Variants in AFG2A observed in about 807,000 individuals in gnomAD.
AFG2A encodes the protein ATPase family gene 2 protein homolog A.
At chr4:123,024,342 A>G in the AFG2A span, among the ~76,000 whole-genome samples, 1 of 152,108 alleles carries the variant, frequency 6.6e-6, no homozygotes, top group Non-Finnish European at 1.5e-5. Flanking sequence ...AAATGTGAAT[A>G]TGAAAAAAAG....
At chr4:123,246,386 A>G in the AFG2A span, among the ~76,000 whole-genome samples, 1 of 152,204 alleles carries the variant, frequency 6.6e-6, no homozygotes, top group Non-Finnish European at 1.5e-5. Flanking sequence ...CACTGCTGCC[A>G]GAATCATTTA....
At chr4:123,314,096 C>T in the AFG2A span, 2 of 1,458,080 alleles carry the variant, frequency 1.4e-6, no homozygotes, top group Middle Eastern at 3.6e-4. Flanking sequence ...GCTGAAAATC[C>T]TTTCCAGAGA....
the AFG2A span, among the ~76,000 whole-genome samples, chr4:123,023,260 C>T: frequency 6.6e-6 from 1 of 151,976 alleles, no homozygotes; most frequent in East Asian, 1.9e-4. Flanking sequence ...TTGATGAAGT[C>T]CCATGATCAC....
the AFG2A span, among the ~76,000 whole-genome samples, chr4:123,263,098 C>T: frequency 6.6e-6 from 1 of 152,210 alleles, no homozygotes; most frequent in Non-Finnish European, 1.5e-5. Context: ...ATCATCCGAA[C>T]TTGCTTTTCT....
At chr4:123,160,921 A>G in the AFG2A span, among the ~76,000 whole-genome samples, 3 of 152,196 alleles carry the variant, frequency 2.0e-5, no homozygotes, top group African/African-American at 7.2e-5. Flanking sequence ...CAATTATAAC[A>G]ATATGCTATA....
the AFG2A span, among the ~76,000 whole-genome samples, chr4:122,969,755 C>T: frequency 6.6e-6 from 1 of 152,068 alleles, no homozygotes; most frequent in Admixed American, 6.5e-5. Flanking sequence ...TAATTTCCCT[C>T]CAGGTAGTTT....
At chr4:123,030,189 C>T in the AFG2A span, among the ~76,000 whole-genome samples, 2 of 152,212 alleles carry the variant, frequency 1.3e-5, no homozygotes, top group South Asian at 4.1e-4. Context: ...AACCTGTGAG[C>T]GAAGTCCTCA....
At chr4:123,150,031 T>G in the AFG2A span, among the ~76,000 whole-genome samples, 1 of 152,082 alleles carries the variant, frequency 6.6e-6, no homozygotes, top group Non-Finnish European at 1.5e-5. Flanking sequence ...AACCACATGA[T>G]TATCTCAGTA....
the AFG2A span, among the ~76,000 whole-genome samples, chr4:123,015,763 G>A: frequency 0.05 from 7,484 of 148,538 alleles, 458 homozygotes; most frequent in African/African-American, 0.15. Context: ...AGGGGCGGCC[G>A]GGCAGAGGTG....
the AFG2A span, among the ~76,000 whole-genome samples, chr4:122,960,402 AAT>A: frequency 1.3e-5 from 2 of 152,198 alleles, no homozygotes; most frequent in African/African-American, 4.8e-5. Context: ...ATGTTTTCCA[AAT>A]ATAGGGATTT....
the AFG2A span, among the ~76,000 whole-genome samples, chr4:123,146,532 C>T: frequency 6.6e-6 from 1 of 152,090 alleles, no homozygotes; most frequent in Non-Finnish European, 1.5e-5. Context: ...GAACTTTAGA[C>T]ACTAACAGTG....
At chr4:122,996,472 G>C in the AFG2A span, among the ~76,000 whole-genome samples, 2 of 152,040 alleles carry the variant, frequency 1.3e-5, no homozygotes, top group African/African-American at 4.8e-5. Context: ...AGATTCTCAA[G>C]AGAAACAACC....
chr4:122,974,944 A>C, the AFG2A span, among the ~76,000 whole-genome samples: 1 of 152,138 alleles, frequency 6.6e-6, no homozygotes, highest in African/African-American at 2.4e-5. Context: ...CTGGCCATAA[A>C]GTTGAAAAGT....
chr4:123,017,170 G>C, the AFG2A span, among the ~76,000 whole-genome samples: 23 of 12,986 alleles, frequency 1.8e-3, 4 homozygotes, highest in Admixed American at 0.014. Context: ...GAAGGGGAGA[G>C]GGAGAGGGGG....
At chr4:123,089,843 C>T in the AFG2A span, among the ~76,000 whole-genome samples, 2 of 152,140 alleles carry the variant, frequency 1.3e-5, no homozygotes, top group African/African-American at 4.8e-5. Flanking sequence ...CTGCCTCGGC[C>T]TCCCAAAGGT....
At chr4:123,150,580 A>G in the AFG2A span, among the ~76,000 whole-genome samples, 1 of 152,014 alleles carries the variant, frequency 6.6e-6, no homozygotes, top group Admixed American at 6.6e-5. Context: ...GACCTCTTTA[A>G]GGAGAACTAC....
the AFG2A span, among the ~76,000 whole-genome samples, chr4:123,212,689 C>T: frequency 6.6e-6 from 1 of 152,132 alleles, no homozygotes; most frequent in Non-Finnish European, 1.5e-5. Context: ...AAGAGATCAT[C>T]TGTATTACAG....
chr4:122,939,243 G>C, the AFG2A span, among the ~76,000 whole-genome samples: 1 of 151,742 alleles, frequency 6.6e-6, no homozygotes, highest in African/African-American at 2.4e-5. Context: ...GTACCACCAC[G>C]CCTGGCTGAT....
At chr4:123,132,208 C>T in the AFG2A span, among the ~76,000 whole-genome samples, 15 of 152,178 alleles carry the variant, frequency 9.9e-5, no homozygotes, top group South Asian at 6.2e-4. Context: ...TAACTGTAGT[C>T]ACCACCATGC....
Sources: allele counts gnomAD v4.1 joint callset (sites outside exome capture counted in the v4.1 genomes callset), GRCh38; gene constraint gnomAD v4.1.1; transcripts MANE v1.5; gene names NCBI Gene and HGNC (gene_info 2026-07-23, HGNC 2026-07-21).